Variants in ELP3 observed in about 807,000 individuals in gnomAD.
The protein encoded by ELP3 is elongator acetyltransferase complex subunit 3.
Under a neutral mutation model 74.9 loss-of-function variants are expected in ELP3, and 56 were observed. The observed-to-expected ratio is 0.75, with a 90% CI of 0.60 to 0.93. ELP3 has a LOEUF of 0.93. ELP3 is among the 40% of genes least tolerant of loss of function. ELP3 has a pLI of 0.00. For missense variants in ELP3, 573 were observed against 686.5 expected, an observed-to-expected ratio of 0.83 and a Z score of 1.85; for synonymous variants, 222 against 239.8, an observed-to-expected ratio of 0.93 and a Z score of 0.68.
At chr8:28,177,247 G>GA (rs1014497253) in intron 14 of ELP3, among the ~76,000 whole-genome samples, 81 of 152,234 alleles carry the variant, frequency 5.3e-4, no homozygotes, top group Admixed American at 3.5e-3. Context: ...ATAGAATGGG[G>GA]AAAAAATTCT....
chr8:28,112,019 A>T (rs1014948119), intron 6 of ELP3, among the ~76,000 whole-genome samples: 1 of 152,148 alleles, frequency 6.6e-6, no homozygotes, highest in Non-Finnish European at 1.5e-5. Context: ...GTTTTTTGCC[A>T]TTTTCAGAAA....
chr8:28,176,005 C>G (rs189480239), intron 14 of ELP3, among the ~76,000 whole-genome samples: 1 of 151,654 alleles, frequency 6.6e-6, no homozygotes, highest in Non-Finnish European at 1.5e-5. Context: ...TTATTAGAGA[C>G]GGGGTTTCAC....
intron 7 of ELP3, among the ~76,000 whole-genome samples, chr8:28,124,248 T>G (rs1284726160): frequency 6.6e-6 from 1 of 152,222 alleles, no homozygotes; most frequent in Non-Finnish European, 1.5e-5. Flanking sequence ...TGGTACTTAA[T>G]AAATGCTAAG....
At chr8:28,097,676 G>A (rs1027640365) in intron 2 of ELP3, among the ~76,000 whole-genome samples, 19 of 152,040 alleles carry the variant, frequency 1.2e-4, no homozygotes, top group Middle Eastern at 3.4e-3. Flanking sequence ...GATTACAGGC[G>A]TGAGTCACCG....
chr8:28,147,448 T>G lies in ELP3; in HGVS notation c.1101-8494T>G, dbSNP rs1298980324. On this transcript the variant is annotated intron_variant, in intron 10 of 14. Coordinates refer to ENST00000256398, the MANE Select transcript of ELP3 (RefSeq NM_018091.6). This position sits in a 1 kb window ranked among gnomAD's most constrained non-coding sequence, Gnocchi z 4.5. ...TGATTTAGCAAATGAGTAGATGTCCTAAAGATAAGGAGAGCCAGTTTTCTC... is the reference window on the plus strand; with the variant it reads ...TGATTTAGCAAATGAGTAGATGTCCGAAAGATAAGGAGAGCCAGTTTTCTC... Among the ~76,000 whole-genome samples, 1 of 152,164 alleles carries G rather than the reference T, an allele frequency of 6.6e-6. No homozygotes were observed. The highest frequency in any genetic ancestry group is 1.5e-5 in the Non-Finnish European group (1 of 68,032).
At chr8:28,129,379 G>C (rs888714746) in intron 7 of ELP3, 123 bp from the exon 8 acceptor site, 5 of 958,912 alleles carry the variant, frequency 5.2e-6, no homozygotes, top group Non-Finnish European at 7.8e-6. Flanking sequence ...AGGCAGCCTG[G>C]CTCCAGAGCC....
intron 10 of ELP3, among the ~76,000 whole-genome samples, chr8:28,150,339 A>G (rs1813594774): frequency 6.6e-6 from 1 of 152,156 alleles, no homozygotes; most frequent in Non-Finnish European, 1.5e-5. Flanking sequence ...TCTGACCCAT[A>G]TCATTTTCCT....
At chr8:28,183,250 T>C (rs539534664) in intron 14 of ELP3, 20 of 460,206 alleles carry the variant, frequency 4.3e-5, no homozygotes, top group African/African-American at 3.8e-4. Flanking sequence ...CTGTTCACTC[T>C]AGGCACTTTG....
intron 7 of ELP3, among the ~76,000 whole-genome samples, chr8:28,126,152 G>C (rs73669187): frequency 0.028 from 4,196 of 152,248 alleles, 213 homozygotes; most frequent in African/African-American, 0.097. Context: ...ACTACTTGTA[G>C]TGTGGGCAGG....
intron 14 of ELP3, among the ~76,000 whole-genome samples, chr8:28,179,685 A>C (rs1167648220): frequency 6.6e-6 from 1 of 152,216 alleles, no homozygotes; most frequent in African/African-American, 2.4e-5. Context: ...GCAGTGACAG[A>C]TCATCAGGCA....
chr8:28,132,155 T>C (rs1346494317), intron 8 of ELP3, 123 bp from the exon 9 acceptor site: 14 of 1,058,404 alleles, frequency 1.3e-5, no homozygotes, highest in Non-Finnish European at 1.8e-5. Flanking sequence ...GGAACTTCTG[T>C]TACCTGTCTC....
At chr8:28,136,962 G>T (rs1194500293) in intron 9 of ELP3, among the ~76,000 whole-genome samples, 1 of 152,204 alleles carries the variant, frequency 6.6e-6, no homozygotes, top group African/African-American at 2.4e-5. Context: ...GAAATGACTT[G>T]CCAAAAGTAG....
intron 11 of ELP3, among the ~76,000 whole-genome samples, chr8:28,157,395 C>T (rs1294241231): frequency 6.6e-6 from 1 of 151,462 alleles, no homozygotes; most frequent in Non-Finnish European, 1.5e-5. Context: ...AGTGAAAGGA[C>T]AGCAGCTACA....
intron 14 of ELP3, among the ~76,000 whole-genome samples, chr8:28,181,081 C>T (rs1007914644): frequency 1.3e-5 from 2 of 152,174 alleles, no homozygotes; most frequent in Admixed American, 6.5e-5. Context: ...TGGAAGCTCA[C>T]ATTTTCTCCT....
At chr8:28,108,108 A>T (rs556979680) in intron 5 of ELP3, 132 bp downstream of exon 5, 3 of 697,576 alleles carry the variant, frequency 4.3e-6, no homozygotes, top group African/African-American at 3.6e-5. Flanking sequence ...AAAGCTGTTC[A>T]TTCACCAAAT....
At position 28,129,475 on chromosome 8, in the gene ELP3, G is replaced by C. The variant is rs190552727; in HGVS notation, c.618-27G>C. The C allele has an allele frequency of 2.5e-6, 4 of 1,613,106 alleles. No individual in the cohort carries two copies. The African/African-American group carries it at 4.0e-5, about 16-fold the overall frequency. On this transcript the variant is annotated intron_variant, in intron 7 of 14. Coordinates refer to ENST00000256398, the MANE Select transcript of ELP3 (RefSeq NM_018091.6). ...AGTAATGTCTTAAAACCTGCAACAG[G>C]TTAATTATTTTAGATTTGCTCTACA...
chr8:28,145,527 C>T (rs1006653279), intron 10 of ELP3, among the ~76,000 whole-genome samples: 3 of 152,210 alleles, frequency 2.0e-5, no homozygotes, highest in Non-Finnish European at 4.4e-5. Context: ...GCATAGCCTC[C>T]ATGGAGGTTC....
intron 9 of ELP3, 54 bp downstream of exon 9, chr8:28,132,458 C>T: frequency 6.2e-7 from 1 of 1,608,958 alleles, no homozygotes; most frequent in East Asian, 2.2e-5. Flanking sequence ...GTTTCTTATC[C>T]CATCTGGTCT....
chr8:28,167,653 C>T (rs1424318755), intron 14 of ELP3, among the ~76,000 whole-genome samples: 8 of 152,204 alleles, frequency 5.3e-5, no homozygotes, highest in Admixed American at 1.3e-4. Flanking sequence ...GTGGCACCTA[C>T]ACGAGTGTTA....
Sources: gnomAD v4.1 joint callset for allele counts (sites outside exome capture counted in the v4.1 genomes callset) on GRCh38, gnomAD v4.1.1 for gene constraint, Gnocchi (gnomAD v3.1) non-coding constraint, MANE v1.5 for transcripts, NCBI Gene and HGNC (gene_info 2026-07-23, HGNC 2026-07-21) for gene names.